The following OR56A3 variants were observed in gnomAD, a reference collection of about 807,000 sequenced individuals.
OR56A3 encodes olfactory receptor 56A3.
Under a neutral mutation model 17.5 loss-of-function variants are expected in OR56A3, and 23 were observed. That is an observed-to-expected ratio of 1.32 (90% CI 0.95 to 1.87). OR56A3 has a LOEUF of 1.87. Among genes scored for constraint, OR56A3 ranks in the 40% most tolerant of loss-of-function variants. OR56A3 has a pLI of 0.00. For missense variants in OR56A3, 366 were observed against 380.1 expected (o/e 0.96, Z 0.31); for synonymous variants, 175 against 150.6 (o/e 1.16, Z -1.19).
chr11:5,970,847 T>A, the OR56A3 span, among the ~76,000 whole-genome samples: 1 of 152,222 alleles, frequency 6.6e-6, no homozygotes, highest in Non-Finnish European at 1.5e-5. Context: ...TTTTATTTCA[T>A]GTTGTTTTTA....
chr11:5,959,154 T>A, the OR56A3 span, among the ~76,000 whole-genome samples: 37,928 of 152,132 alleles, frequency 0.25, 4,765 homozygotes, highest in Non-Finnish European at 0.27. Flanking sequence ...GTAGTGGGAA[T>A]GCTAGATCAT....
chr11:6,012,431 G>C, the OR56A3 span, among the ~76,000 whole-genome samples: 1 of 152,312 alleles, frequency 6.6e-6, no homozygotes, highest in African/African-American at 2.4e-5. Flanking sequence ...TATCAGCAGA[G>C]GGGGTAGCTC....
chr11:6,018,807 G>A, the OR56A3 span, among the ~76,000 whole-genome samples: 1 of 151,868 alleles, frequency 6.6e-6, no homozygotes, highest in Non-Finnish European at 1.5e-5. Flanking sequence ...AAGAAAAAGA[G>A]AGAAGATGCA....
In OR56A3 at chr11:5,947,336, T is replaced by G; in HGVS notation, c.-11T>G. 1.3e-6 allele frequency: 2 copies of G among 1,567,782 alleles called. No homozygotes were observed. Among genetic ancestry groups the G allele is most frequent in the Non-Finnish European group, 8.7e-7 (1 of 1,154,802 alleles). ...ATCACTGAAAGAAAGCAGTAAAATATATGGGAAAATATGACAACACACCGA... is the reference window on the plus strand; with the variant it reads ...ATCACTGAAAGAAAGCAGTAAAATAGATGGGAAAATATGACAACACACCGA... On this transcript the variant is annotated 5_prime_UTR_variant, in exon 3 of 3. Transcript: ENST00000641160.
chr11:5,994,451 G>A, the OR56A3 span: 6 of 738,404 alleles, frequency 8.1e-6, no homozygotes, highest in Middle Eastern at 3.7e-4. Context: ...AGATTTGGGG[G>A]CATCTGTCTC....
chr11:5,943,849 C>G (rs1847853708), intron 1 of OR56A3, among the ~76,000 whole-genome samples: 1 of 152,106 alleles, frequency 6.6e-6, no homozygotes, highest in African/African-American at 2.4e-5. Flanking sequence ...GAATAAATGA[C>G]AAGAAAGTAA....
the OR56A3 span, chr11:6,002,860 T>C: frequency 1.2e-6 from 2 of 1,613,936 alleles, no homozygotes; most frequent in Non-Finnish European, 8.5e-7. Context: ...AGGGTGGTGT[T>C]AGCTCCCATG....
the OR56A3 span, chr11:6,002,320 A>G: frequency 0.014 from 22,015 of 1,614,106 alleles, 2,250 homozygotes; most frequent in African/African-American, 0.24. Context: ...ACAACTTTCA[A>G]TATAAAAGAA....
chr11:5,953,918 TTGAC>T (rs553099968), downstream of OR56A3, among the ~76,000 whole-genome samples: 63 of 152,228 alleles, frequency 4.1e-4, no homozygotes, highest in South Asian at 0.012. Flanking sequence ...AATTAATTAA[TTGAC>T]TGAAACTTTC....
At chr11:5,960,268 C>G in the OR56A3 span, among the ~76,000 whole-genome samples, 7 of 151,494 alleles carry the variant, frequency 4.6e-5, no homozygotes, top group Non-Finnish European at 7.4e-5. Context: ...CCCCTTTGCA[C>G]GGTCCTCGTC....
At chr11:5,972,522 A>G in the OR56A3 span, among the ~76,000 whole-genome samples, 2 of 152,130 alleles carry the variant, frequency 1.3e-5, no homozygotes, top group Admixed American at 1.3e-4. Flanking sequence ...TGCATCCAGT[A>G]ACCAGAGCTG....
chr11:5,967,667 G>T, the OR56A3 span: 2 of 1,613,796 alleles, frequency 1.2e-6, no homozygotes, highest in African/African-American at 2.7e-5. Flanking sequence ...TGAGCAGGAT[G>T]GGGACATCCG....
the OR56A3 span, among the ~76,000 whole-genome samples, chr11:5,995,542 C>T: frequency 6.6e-6 from 1 of 152,156 alleles, no homozygotes; most frequent in Non-Finnish European, 1.5e-5. Context: ...CTCAAAATTA[C>T]AGTTTTCATT....
At chr11:6,008,287 C>G in the OR56A3 span, among the ~76,000 whole-genome samples, 2 of 152,182 alleles carry the variant, frequency 1.3e-5, no homozygotes, top group Non-Finnish European at 2.9e-5. Context: ...TACAGTAACT[C>G]TGGCCGCATC....
the OR56A3 span, among the ~76,000 whole-genome samples, chr11:6,005,169 A>T: frequency 2.6e-5 from 4 of 152,314 alleles, no homozygotes; most frequent in East Asian, 7.7e-4. Flanking sequence ...AATGATACGT[A>T]ACTTTAGGTG....
At chr11:6,002,129 T>C in the OR56A3 span, 1 of 1,614,042 alleles carries the variant, frequency 6.2e-7, no homozygotes, top group East Asian at 2.2e-5. Flanking sequence ...GGTTCAGAGC[T>C]GGGGGAATGA....
chr11:6,006,254 A>G, the OR56A3 span: 1 of 152,184 alleles, frequency 6.6e-6, no homozygotes, highest in East Asian at 1.9e-4. Context: ...GTTACCTTGT[A>G]ATTCCTTAAT....
At chr11:6,002,972 G>A in the OR56A3 span, 2 of 1,614,060 alleles carry the variant, frequency 1.2e-6, no homozygotes, top group South Asian at 1.1e-5. Context: ...GGGCAGTGGA[G>A]TCATTGCTGG....
the OR56A3 span, among the ~76,000 whole-genome samples, chr11:5,993,203 T>A: frequency 6.6e-6 from 1 of 152,144 alleles, no homozygotes; most frequent in East Asian, 1.9e-4. Context: ...AGCCTAGAGT[T>A]TAAGCAGGAA....
Sources: gnomAD v4.1 joint callset for allele counts (sites outside exome capture counted in the v4.1 genomes callset) on GRCh38, gnomAD v4.1.1 for gene constraint, MANE v1.5 for transcripts, NCBI Gene and HGNC (gene_info 2026-07-23, HGNC 2026-07-21) for gene names.